Variants in ZMIZ1 observed in about 807,000 individuals in gnomAD.
The protein encoded by ZMIZ1 is zinc finger MIZ-type containing 1, also known as zinc finger MIZ domain-containing protein 1.
In ZMIZ1, 17 loss-of-function variants were observed where a neutral mutation model predicts 113.9. The ratio of observed to expected loss-of-function variants is 0.15; its 90% CI spans 0.10 to 0.22. ZMIZ1 has a LOEUF of 0.22. Among genes scored for constraint, ZMIZ1 ranks in the 10% least tolerant of loss-of-function variants. The probability of loss-of-function intolerance (pLI) is 1.00; values close to 1 mark genes in which losing one functional copy is unlikely to be tolerated. For synonymous variants in ZMIZ1, 607 were observed against 603.1 expected, an observed-to-expected ratio of 1.01 and a Z score of -0.09; for missense variants, 1,059 against 1,477.8, an observed-to-expected ratio of 0.72 and a Z score of 4.65.
intron 24 of ZMIZ1, among the ~76,000 whole-genome samples, chr10:79,311,831 G>C (rs997709414): frequency 6.6e-6 from 1 of 152,074 alleles, no homozygotes; most frequent in Non-Finnish European, 1.5e-5. Context: ...TGGGGCTGGC[G>C]GGATGGGACT....
At chr10:79,216,880 C>T (rs561134583) in intron 7 of ZMIZ1, among the ~76,000 whole-genome samples, 9 of 152,350 alleles carry the variant, frequency 5.9e-5, no homozygotes, top group Non-Finnish European at 1.0e-4. Flanking sequence ...TTGCAGTAAG[C>T]AGGGGCCATG....
At chr10:79,150,804 C>T (rs1455533063) in intron 3 of ZMIZ1, among the ~76,000 whole-genome samples, 4 of 152,112 alleles carry the variant, frequency 2.6e-5, no homozygotes, top group South Asian at 2.1e-4. Context: ...AGCCGGGCGA[C>T]GGAGCATGCC....
In ZMIZ1 at chr10:79,259,831, C is replaced by CA. The variant is rs757614404; in HGVS notation, c.281-17347dup. 4.3e-4 allele frequency among the ~76,000 whole-genome samples: 65 copies of CA among 152,316 alleles called. 1 individual carries two copies. Among genetic ancestry groups the CA allele is most frequent in the Non-Finnish European group, 7.6e-4 (52 of 68,040 alleles). ...TTCACCATGTTGGCCAAGCTGGTCTCAAAGTCCTGACCTCAAGTGATCTGC... is the reference window on the plus strand; with the variant it reads ...TTCACCATGTTGGCCAAGCTGGTCTCAAAAGTCCTGACCTCAAGTGATCTGC... On this transcript the variant is annotated intron_variant, in intron 7 of 24. Transcript: ENST00000334512.
At chr10:79,182,522 G>A (rs1226428787) in intron 4 of ZMIZ1, among the ~76,000 whole-genome samples, 1 of 152,216 alleles carries the variant, frequency 6.6e-6, no homozygotes, top group Non-Finnish European at 1.5e-5. Flanking sequence ...AGCTAGGAAT[G>A]TCTCCCAGGG....
In ZMIZ1 at chr10:79,257,785, C is replaced by T. The variant is rs145611584; in HGVS notation, c.281-19396C>T. Reference sequence around the variant, plus strand: ...AGAGACCTGGACTCAGGTTCTATCCCTGCCACTTTATGGTTTGCACCGTCT... The same window carrying T: ...AGAGACCTGGACTCAGGTTCTATCCTTGCCACTTTATGGTTTGCACCGTCT... On this transcript the variant is annotated intron_variant, in intron 7 of 24. Coordinates refer to ENST00000334512, the MANE Select transcript of ZMIZ1 (RefSeq NM_020338.4). 1.7e-3 allele frequency among the ~76,000 whole-genome samples: 253 copies of T among 152,368 alleles called. 4 individuals carry two copies. Among genetic ancestry groups the T allele is most frequent in the African/African-American group, 5.5e-3 (227 of 41,594 alleles).
chr10:79,091,280 T>C (rs1407412880), intron 1 of ZMIZ1, among the ~76,000 whole-genome samples: 1 of 152,208 alleles, frequency 6.6e-6, no homozygotes, highest in Non-Finnish European at 1.5e-5. Context: ...TGTATTTATG[T>C]GGGCAACTGC....
intron 18 of ZMIZ1, 144 bp downstream of exon 18, chr10:79,302,356 T>C: frequency 1.3e-6 from 1 of 769,300 alleles, no homozygotes; most frequent in East Asian, 2.7e-5. Context: ...GAGCGCGCCC[T>C]GTCCTGAGGC....
chr10:79,147,916 G>A (rs1318859445), intron 3 of ZMIZ1, among the ~76,000 whole-genome samples: 1 of 152,232 alleles, frequency 6.6e-6, no homozygotes, highest in African/African-American at 2.4e-5. Context: ...CCTTCTCCTA[G>A]CCCACATGGG....
At chr10:79,150,681 G>A (rs1298058302) in intron 3 of ZMIZ1, among the ~76,000 whole-genome samples, 2 of 152,220 alleles carry the variant, frequency 1.3e-5, no homozygotes, top group Non-Finnish European at 2.9e-5. Context: ...AAGGGTTTGG[G>A]GTGGGTTGAA....
chr10:79,298,687 CAG>C lies in ZMIZ1; in HGVS notation c.1666+112_1666+113del, dbSNP rs1854083377. ...CCTGGGGAGTGGGCATCAGAAGGGG[CAG>C]AGAGTTGAGAGCAGGTGAGATACCC... On this transcript the variant is annotated intron_variant, in intron 15 of 24. Transcript: ENST00000334512. The C allele has an allele frequency of 1.0e-5, 11 of 1,093,730 alleles. No homozygotes were observed. The South Asian group carries it at 1.3e-4, about 13-fold the overall frequency. The allele number at this position is 1,093,730 out of a possible 1,614,324, so 67.8% of individuals were successfully genotyped here.
In ZMIZ1 at chr10:79,312,871, C is replaced by A; in HGVS notation, c.*122C>A. The stretch of plus-strand genomic sequence containing the variant: ...CGCACCAGAGCCACGGGCTGTGGGG[C>A]GGGGAGCCCTCCCCCGCTGCAGCCC... On this transcript the variant is annotated 3_prime_UTR_variant, in exon 25 of 25. Transcript: ENST00000334512. 1.2e-6 allele frequency: 1 copy of A among 868,920 alleles called. No individual in the cohort carries two copies. Among genetic ancestry groups the A allele is most frequent in the South Asian group, 1.6e-5 (1 of 61,918 alleles). The allele number at this position is 868,920 out of a possible 1,614,324, so 53.8% of individuals were successfully genotyped here. A position where few individuals can be genotyped will look rare whatever the true frequency, so the allele number is the denominator to read the frequency against.
intron 4 of ZMIZ1, among the ~76,000 whole-genome samples, chr10:79,165,221 A>T (rs983245598): frequency 1.2e-4 from 18 of 152,138 alleles, no homozygotes; most frequent in African/African-American, 4.3e-4. Context: ...AGGGCAGCAG[A>T]TGGGGAGTGT....
intron 1 of ZMIZ1, among the ~76,000 whole-genome samples, chr10:79,074,246 G>A (rs1024585826): frequency 6.6e-6 from 1 of 152,218 alleles, no homozygotes; most frequent in East Asian, 1.9e-4. Context: ...CAACCCCTGC[G>A]CTGCCTCCTT....
At chr10:79,100,879 C>T (rs1843343557) in intron 1 of ZMIZ1, among the ~76,000 whole-genome samples, 1 of 152,174 alleles carries the variant, frequency 6.6e-6, no homozygotes, top group Non-Finnish European at 1.5e-5. Context: ...GGCTTTTGCA[C>T]ACAGCATCCC....
chr10:79,184,291 C>A (rs1158404466), intron 4 of ZMIZ1, among the ~76,000 whole-genome samples: 1 of 152,208 alleles, frequency 6.6e-6, no homozygotes, highest in Admixed American at 6.5e-5. Context: ...TCCTTCCACC[C>A]CTCTCCCGAT....
chr10:79,130,628 T>C (rs1027410541), intron 2 of ZMIZ1, among the ~76,000 whole-genome samples: 11 of 152,076 alleles, frequency 7.2e-5, no homozygotes, highest in African/African-American at 2.4e-4. Context: ...GGTTGGTGCA[T>C]AGGCGCTGGG....
intron 2 of ZMIZ1, among the ~76,000 whole-genome samples, chr10:79,129,958 T>G (rs1844683962): frequency 6.6e-6 from 1 of 152,238 alleles, no homozygotes; most frequent in Non-Finnish European, 1.5e-5. Context: ...CAGTGCTCCC[T>G]GGGCTCTGGG....
chr10:79,220,929 A>G (rs1001093282), intron 7 of ZMIZ1, among the ~76,000 whole-genome samples: 14 of 151,872 alleles, frequency 9.2e-5, no homozygotes, highest in Non-Finnish European at 1.0e-4. Context: ...GGCTGTGTCC[A>G]TGGTGTGTGT....
At chr10:79,145,510 C>G (rs534328116) in intron 3 of ZMIZ1, among the ~76,000 whole-genome samples, 1 of 152,238 alleles carries the variant, frequency 6.6e-6, no homozygotes, top group South Asian at 2.1e-4. Flanking sequence ...CCGGTTAGTT[C>G]ACATTGATTT....
Sources: gnomAD v4.1 joint callset for allele counts (sites outside exome capture counted in the v4.1 genomes callset) on GRCh38, gnomAD v4.1.1 for gene constraint, MANE v1.5 for transcripts, NCBI Gene and HGNC (gene_info 2026-07-23, HGNC 2026-07-21) for gene names.